CFAP95: variants seen among roughly 807,000 people sequenced by gnomAD.
The protein encoded by CFAP95 is cilia and flagella associated protein 95, also known as cilia- and flagella-associated protein 95.
the CFAP95 span, among the ~76,000 whole-genome samples, chr9:69,845,308 G>C: frequency 2.0e-5 from 3 of 152,116 alleles, no homozygotes; most frequent in African/African-American, 7.2e-5. Context: ...CCCCCAAATT[G>C]GGTCCTACAA....
chr9:69,878,745 G>A, the CFAP95 span, among the ~76,000 whole-genome samples: 2 of 152,170 alleles, frequency 1.3e-5, no homozygotes, highest in Non-Finnish European at 2.9e-5. Flanking sequence ...GTATTGGGCT[G>A]TTCTTGCATT....
chr9:69,863,851 C>T, the CFAP95 span, among the ~76,000 whole-genome samples: 1,719 of 152,142 alleles, frequency 0.011, 38 homozygotes, highest in African/African-American at 0.039. Context: ...CTATTCCCAC[C>T]GTTTCACTTG....
chr9:69,893,499 CTCTT>C, the CFAP95 span, among the ~76,000 whole-genome samples: 1 of 152,202 alleles, frequency 6.6e-6, no homozygotes, highest in Non-Finnish European at 1.5e-5. Context: ...TTAAGGTCCT[CTCTT>C]TGTATCTTTG....
chr9:69,886,845 T>G, the CFAP95 span: 2 of 1,612,974 alleles, frequency 1.2e-6, no homozygotes, highest in South Asian at 2.2e-5. Flanking sequence ...TAGGTGTGCA[T>G]TGACAACGTA....
the CFAP95 span, among the ~76,000 whole-genome samples, chr9:69,879,531 A>G: frequency 1.3e-5 from 2 of 152,188 alleles, no homozygotes; most frequent in East Asian, 1.9e-4. Context: ...TATGTAATGG[A>G]TAAATATGCA....
At chr9:69,887,252 G>C in the CFAP95 span, among the ~76,000 whole-genome samples, 1 of 152,076 alleles carries the variant, frequency 6.6e-6, no homozygotes, top group Non-Finnish European at 1.5e-5. Context: ...ATATAGCTCT[G>C]GGAAATATGT....
chr9:69,863,635 A>G, the CFAP95 span, among the ~76,000 whole-genome samples: 1 of 152,202 alleles, frequency 6.6e-6, no homozygotes, highest in Non-Finnish European at 1.5e-5. Context: ...CATTCTAGGA[A>G]GTAAGGTTTT....
At chr9:69,890,310 A>G in the CFAP95 span, among the ~76,000 whole-genome samples, 6 of 152,080 alleles carry the variant, frequency 3.9e-5, no homozygotes, top group Admixed American at 3.3e-4. Context: ...TTCTCATGTT[A>G]TTTGTTTCCA....
the CFAP95 span, among the ~76,000 whole-genome samples, chr9:69,855,740 C>A: frequency 6.6e-6 from 1 of 152,106 alleles, no homozygotes; most frequent in East Asian, 1.9e-4. Context: ...ATTACTAAAG[C>A]AAAATGGACC....
chr9:69,871,217 CAAATAA>C, the CFAP95 span, among the ~76,000 whole-genome samples: 3 of 151,598 alleles, frequency 2.0e-5, no homozygotes, highest in Non-Finnish European at 4.4e-5. Context: ...GACTCTGTCT[CAAATAA>C]AAATAAAATA....
chr9:69,874,113 C>A, the CFAP95 span, among the ~76,000 whole-genome samples: 1 of 152,096 alleles, frequency 6.6e-6, no homozygotes, highest in Non-Finnish European at 1.5e-5. Context: ...TGTGGCATAT[C>A]CTAGTGAATT....
At chr9:69,884,350 A>T in the CFAP95 span, 3 of 152,262 alleles carry the variant, frequency 2.0e-5, no homozygotes, top group South Asian at 6.2e-4. Context: ...GGCAGCCTCG[A>T]ACTCCTGGCT....
At chr9:69,859,968 A>G in the CFAP95 span, among the ~76,000 whole-genome samples, 1 of 152,224 alleles carries the variant, frequency 6.6e-6, no homozygotes, top group Non-Finnish European at 1.5e-5. Flanking sequence ...ACACCTGTAT[A>G]GGGCACATGC....
chr9:69,844,844 T>C, the CFAP95 span, among the ~76,000 whole-genome samples: 4 of 152,244 alleles, frequency 2.6e-5, no homozygotes, highest in Non-Finnish European at 4.4e-5. Context: ...AAGTTGAGTA[T>C]GTGGCATGGT....
At chr9:69,876,252 G>T in the CFAP95 span, among the ~76,000 whole-genome samples, 1 of 152,114 alleles carries the variant, frequency 6.6e-6, no homozygotes, top group Admixed American at 6.5e-5. Flanking sequence ...AGTTTTAAAG[G>T]CTGGGCACAG....
At chr9:69,905,924 T>G in the CFAP95 span, 10 of 1,440,764 alleles carry the variant, frequency 6.9e-6, no homozygotes, top group Non-Finnish European at 9.2e-6. Context: ...CTTCAGTTAT[T>G]AAATATTATT....
At chr9:69,820,825 C>G in the CFAP95 span, 1 of 1,545,460 alleles carries the variant, frequency 6.5e-7, no homozygotes, top group South Asian at 1.2e-5. Flanking sequence ...ACGTTCCTGC[C>G]GGGCAGGACA....
chr9:69,902,033 T>C, the CFAP95 span, among the ~76,000 whole-genome samples: 1 of 152,194 alleles, frequency 6.6e-6, no homozygotes, highest in South Asian at 2.1e-4. Context: ...GAAAAAATTT[T>C]TGCAATCTAC....
the CFAP95 span, among the ~76,000 whole-genome samples, chr9:69,866,988 A>G: frequency 6.6e-6 from 1 of 152,108 alleles, no homozygotes; most frequent in Non-Finnish European, 1.5e-5. Context: ...AAGTTTGCTG[A>G]ATTAATTGCG....
Sources: gnomAD v4.1 joint callset for allele counts (sites outside exome capture counted in the v4.1 genomes callset) on GRCh38, gnomAD v4.1.1 for gene constraint, MANE v1.5 for transcripts, NCBI Gene and HGNC (gene_info 2026-07-23, HGNC 2026-07-21) for gene names.